GCAT: variants seen among roughly 807,000 people sequenced by gnomAD.
GCAT encodes the protein glycine C-acetyltransferase, also known as 2-amino-3-ketobutyrate coenzyme A ligase, mitochondrial.
Under a neutral mutation model 39.7 loss-of-function variants are expected in GCAT, and 26 were observed. That is an observed-to-expected ratio of 0.65 (90% CI 0.48 to 0.91). The LOEUF (loss-of-function observed/expected upper bound fraction) is 0.91. GCAT is among the 40% of genes least tolerant of loss of function. The probability of loss-of-function intolerance (pLI) is 0.00; values close to 1 mark genes in which losing one functional copy is unlikely to be tolerated. For synonymous variants in GCAT, 218 were observed against 237.2 expected (o/e 0.92, Z 0.74); for missense variants, 550 against 576.2 (o/e 0.95, Z 0.47).
At position 37,815,686 on chromosome 22, in the gene GCAT, C is replaced by G; in HGVS notation, c.838C>G (p.Pro280Ala). 1 of 1,612,198 alleles carries G rather than the reference C, an allele frequency of 6.2e-7. No homozygotes were observed. Among genetic ancestry groups the G allele is most frequent in the South Asian group, 1.1e-5 (1 of 91,034 alleles). Residue 280 changes from proline (P) to alanine (A), a missense_variant, in exon 7 of 9, where the codon CCC (proline) becomes GCC (alanine). Transcript: ENST00000248924. ...AGGGGGCTACACGACAGGGCCTGGGCCCCTGGTGTCCCTGCTGCGGCAGCG... is the reference window on the plus strand; with the variant it reads ...AGGGGGCTACACGACAGGGCCTGGGGCCCTGGTGTCCCTGCTGCGGCAGCG... ...ASGGYTTGPG[P>A]LVSLLRQRAR...
In GCAT at chr22:37,813,556, C is replaced by T. The variant is rs752834253; in HGVS notation, c.523C>T (p.Arg175Cys). The change falls in exon 4 of 9, where the codon CGC becomes TGC. Residue 175 changes from arginine to cysteine, a missense_variant. Arg to Cys is a radical substitution (Grantham distance 180, BLOSUM62 -3). This residue lies in a region of GCAT where 378 missense variants were observed against 390.4 expected (regional missense o/e 0.97). Transcript: ENST00000248924. ...GIRLCKAHKYRYRHLDMADLE... is the reference protein window; with the variant it reads ...GIRLCKAHKYCYRHLDMADLE... ...CCGGCTGTGCAAGGCCCACAAGTAC[C>T]GCTATCGCCACCTGGACATGGCCGA... 54 of 1,613,428 alleles carry T rather than the reference C, an allele frequency of 3.3e-5. No individual in the cohort carries two copies. In the South Asian group the frequency reaches 4.5e-4, roughly 13 times the overall value.
intron 2 of GCAT, among the ~76,000 whole-genome samples, chr22:37,811,008 G>A (rs571528836): frequency 3.9e-5 from 6 of 152,284 alleles, no homozygotes; most frequent in Admixed American, 2.0e-4. Context: ...TAGGCGGCAG[G>A]AACTGAGACT....
In GCAT at chr22:37,807,966, C is replaced by A; in HGVS notation, c.-2C>A. 3 of 1,522,856 alleles carry A rather than the reference C, an allele frequency of 2.0e-6. No individual in the cohort carries two copies. The highest frequency in any genetic ancestry group is 2.6e-6 in the Non-Finnish European group (3 of 1,139,308). 94.3% of individuals were successfully genotyped at this position (1,522,856 alleles called of 1,614,324 possible). The stretch of plus-strand genomic sequence containing the variant: ...CAGGCGCGCTCGGGCGAGGTAGGAG[C>A]GATGTGGCCTGGGAACGCCTGGCGC... On this transcript the variant is annotated 5_prime_UTR_variant, in exon 1 of 9. Coordinates refer to ENST00000248924, the MANE Select transcript of GCAT (RefSeq NM_014291.4).
chr22:37,808,146 T>C lies in GCAT; in HGVS notation c.179T>C (p.Val60Ala), dbSNP rs754752577. Residue 60 changes from valine (V) to alanine (A), a missense_variant, in exon 1 of 9, where the codon GTG becomes GCG. Around this residue, in one of 3 missense-constraint regions of GCAT, gnomAD observed 154 missense variants for 141.9 expected, o/e 1.08. Transcript: ENST00000248924. ...ITSRQGPHIR[V>A]DGVSGGILNF... ...TCCCGTCAGGGGCCGCACATCCGCG[T>C]GGACGGCGTCTCCGGAGGTAACGCT... The C allele has an allele frequency of 2.4e-5, 36 of 1,517,174 alleles. No individual in the cohort carries two copies. The highest frequency in any genetic ancestry group is 3.0e-5 in the Non-Finnish European group (34 of 1,133,338). The allele number at this position is 1,517,174 out of a possible 1,614,324, so 94.0% of individuals were successfully genotyped here.
intron 3 of GCAT, 71 bp from the exon 4 acceptor site, chr22:37,813,392 G>A (rs945911859): frequency 4.7e-6 from 7 of 1,482,566 alleles, no homozygotes; most frequent in Non-Finnish European, 6.5e-6. Context: ...TTTTTGATTT[G>A]CTGGAGTCCC....
chr22:37,816,168 C>G, intron 7 of GCAT, 32 bp from the exon 8 acceptor site: 1 of 1,608,812 alleles, frequency 6.2e-7, no homozygotes, highest in Non-Finnish European at 8.5e-7. Context: ...CTCCACGGCC[C>G]CTTAGCTACC....
chr22:37,808,649 G>A (rs1217631004), intron 1 of GCAT, among the ~76,000 whole-genome samples: 1 of 152,124 alleles, frequency 6.6e-6, no homozygotes, highest in African/African-American at 2.4e-5. Context: ...ATCACATGAT[G>A]AGTTGGCCCT....
chr22:37,809,943 C>T, intron 1 of GCAT, 84 bp from the exon 2 acceptor site: 5 of 1,563,706 alleles, frequency 3.2e-6, no homozygotes, highest in Non-Finnish European at 4.3e-6. Context: ...TGGACCATTT[C>T]CCCAGGGCCT....
At chr22:37,809,987 C>A (rs373145451) in intron 1 of GCAT, 40 bp from the exon 2 acceptor site, 2 of 1,610,950 alleles carry the variant, frequency 1.2e-6, no homozygotes, top group African/African-American at 1.3e-5. Flanking sequence ...GCCCTTGCCC[C>A]ACCTGAGCTG....
In GCAT at chr22:37,816,319, G is replaced by C. The variant is rs770111055; in HGVS notation, c.1106G>C (p.Arg369Thr). The C allele has an allele frequency of 1.2e-6, 2 of 1,610,570 alleles. No homozygotes were observed. The highest frequency in any genetic ancestry group is 1.1e-5 in the South Asian group (1 of 91,082). Residue 369 changes from arginine (R) to threonine (T), a missense_variant and splice_region_variant, in exon 8 of 9, where the codon AGA becomes ACA. Around this residue, in one of 3 missense-constraint regions of GCAT, gnomAD observed 378 missense variants for 390.4 expected, o/e 0.97. Coordinates refer to ENST00000248924, the MANE Select transcript of GCAT (RefSeq NM_014291.4). ...CGCATGGCGGATGACATGCTGAAGAGAGGTAAGGGTGCTGAGACAAGGGAA... is the reference window on the plus strand; with the variant it reads ...CGCATGGCGGATGACATGCTGAAGACAGGTAAGGGTGCTGAGACAAGGGAA... ...ASRMADDMLK[R>T]GIFVIGFSYP...
intron 2 of GCAT, among the ~76,000 whole-genome samples, chr22:37,810,382 T>C (rs1288072823): frequency 2.0e-5 from 3 of 152,202 alleles, no homozygotes; most frequent in Non-Finnish European, 2.9e-5. Context: ...AGTCTTGCTC[T>C]GTCACCCAGG....
In GCAT at chr22:37,816,640, A is replaced by G; in HGVS notation, c.1182A>G (p.Ala394=). ...GKARIRVQIS[A]VHSEEDIDRC... is the part of the protein sequence containing the mutation. ...CCCGGATCCGGGTACAGATCTCAGC[A>G]GTGCATAGCGAGGAAGACATTGACC... Residue 394 remains alanine, a synonymous_variant, in exon 9 of 9, where the codon GCA becomes GCG. Transcript: ENST00000248924. 1 of 1,614,186 alleles carries G rather than the reference A, an allele frequency of 6.2e-7. No homozygotes were observed. The highest frequency in any genetic ancestry group is 8.5e-7 in the Non-Finnish European group (1 of 1,180,026).
rs117809682 is a variant in GCAT at position 37,811,606 on chromosome 22, T to C, written c.328-1281T>C. Among the ~76,000 whole-genome samples the C allele has an allele frequency of 4.5e-4, 69 of 151,668 alleles. No homozygotes were observed. In the East Asian group the frequency reaches 0.012, roughly 27 times the overall value. ...TTATATAAGTATGAAACTTAAATAG[T>C]ACTTATTATGTGCCAGGAATTCTTT... is the stretch of plus-strand genomic sequence containing the variant. On this transcript the variant is annotated intron_variant, in intron 2 of 8. Transcript: ENST00000248924.
chr22:37,814,036 G>A (rs1921897680), intron 4 of GCAT, among the ~76,000 whole-genome samples: 1 of 152,072 alleles, frequency 6.6e-6, no homozygotes, highest in African/African-American at 2.4e-5. Flanking sequence ...CAAAGTGCTG[G>A]GATTATAGAC....
intron 1 of GCAT, among the ~76,000 whole-genome samples, chr22:37,809,155 TTC>T (rs1452839407): frequency 6.6e-6 from 1 of 152,216 alleles, no homozygotes; most frequent in East Asian, 1.9e-4. Context: ...AGGTAATCCC[TTC>T]TCTCCCTCAG....
chr22:37,811,440 C>T (rs548802135), intron 2 of GCAT, among the ~76,000 whole-genome samples: 1 of 140,544 alleles, frequency 7.1e-6, no homozygotes, highest in Non-Finnish European at 1.5e-5. Flanking sequence ...GAGATCACGC[C>T]ACTGCACTCC....
At chr22:37,815,058 C>T in intron 4 of GCAT, 68 bp from the exon 5 acceptor site, 1 of 1,516,972 alleles carries the variant, frequency 6.6e-7, no homozygotes, top group African/African-American at 1.4e-5. Flanking sequence ...GAGCTCCAAG[C>T]AGCACAAGAG....
chr22:37,815,936 T>G (rs1203395474), intron 7 of GCAT, 102 bp downstream of exon 7: 21 of 1,377,802 alleles, frequency 1.5e-5, no homozygotes, highest in African/African-American at 2.9e-5. Flanking sequence ...CCACCGGGTC[T>G]GCTTCTGCCT....
intron 1 of GCAT, 181 bp from the exon 2 acceptor site, chr22:37,809,846 C>A: frequency 2.7e-6 from 2 of 737,666 alleles, no homozygotes; most frequent in South Asian, 1.7e-5. Flanking sequence ...AAACTTCTTG[C>A]TCTTCAAGAT....
Sources: allele counts gnomAD v4.1 joint callset (sites outside exome capture counted in the v4.1 genomes callset), GRCh38; gene constraint gnomAD v4.1.1; regional missense constraint gnomAD v4.1.1; transcripts MANE v1.5; gene names NCBI Gene and HGNC (gene_info 2026-07-23, HGNC 2026-07-21).